WWOX: variants seen among roughly 807,000 people sequenced by gnomAD.
WWOX encodes WW domain containing oxidoreductase.
WWOX carries 69 observed loss-of-function variants against 46.2 expected under a neutral mutation model. The ratio of observed to expected loss-of-function variants is 1.49; its 90% CI spans 1.23 to 1.82. The LOEUF (loss-of-function observed/expected upper bound fraction) is 1.82, where lower values mean the gene tolerates loss of function less well. WWOX is among the 40% of genes most tolerant of loss of function. The pLI is 0.00. For missense variants in WWOX, 919 were observed against 542.6 expected, an observed-to-expected ratio of 1.69 and a Z score of -6.89; for synonymous variants, 359 against 202.6, an observed-to-expected ratio of 1.77 and a Z score of -6.56.
intron 8 of WWOX, among the ~76,000 whole-genome samples, chr16:78,964,676 C>G (rs113339362): frequency 0.12 from 17,653 of 152,216 alleles, 1,083 homozygotes; most frequent in Middle Eastern, 0.21. Context: ...GGCAAGGAAC[C>G]TAATGTTAAT....
Position 78,349,904 on chromosome 16 carries a change from G to C in WWOX, c.517-36956G>C, listed in dbSNP as rs1037794287. ...GTCTCATTCCCCAGAAATAATCCCT[G>C]TTAACATTTCGGTTTGTGTTATGGA... On this transcript the variant is annotated intron_variant, in intron 5 of 8. Coordinates refer to ENST00000566780, the MANE Select transcript of WWOX (RefSeq NM_016373.4). 4.1e-5 allele frequency among the ~76,000 whole-genome samples: 5 copies of C among 120,776 alleles called. 2 individuals are homozygous for C. The highest frequency in any genetic ancestry group is 5.9e-5 in the Non-Finnish European group (3 of 50,578). 79.2% of individuals were successfully genotyped at this position (120,776 alleles called of 152,430 possible). A position where few individuals can be genotyped will look rare whatever the true frequency, so the allele number is the denominator to read the frequency against.
At chr16:78,502,411 G>C (rs897213681) in intron 8 of WWOX, among the ~76,000 whole-genome samples, 1 of 152,078 alleles carries the variant, frequency 6.6e-6, no homozygotes, top group African/African-American at 2.4e-5. Context: ...CCTATTCTGC[G>C]TACCTCATAT....
intron 8 of WWOX, among the ~76,000 whole-genome samples, chr16:78,784,212 G>A (rs2050400216): frequency 2.6e-5 from 4 of 152,100 alleles, no homozygotes; most frequent in South Asian, 2.1e-4. Flanking sequence ...CCTTGTCATA[G>A]GTAGATACTA....
At chr16:78,134,410 T>C (rs984756046) in intron 4 of WWOX, among the ~76,000 whole-genome samples, 2 of 152,208 alleles carry the variant, frequency 1.3e-5, no homozygotes, top group African/African-American at 2.4e-5. Context: ...TGTAAGTCTT[T>C]TTGGGAACCG....
chr16:79,096,016 AT>A (rs57621801), intron 8 of WWOX, among the ~76,000 whole-genome samples: 3,087 of 82,004 alleles, frequency 0.038, 130 homozygotes, highest in Admixed American at 0.15. Flanking sequence ...CACCCGGATA[AT>A]TTTTTTTTTT....
chr16:78,615,156 C>G (rs1205826749), intron 8 of WWOX, among the ~76,000 whole-genome samples: 2 of 152,036 alleles, frequency 1.3e-5, no homozygotes, highest in Non-Finnish European at 2.9e-5. Context: ...ACTCACATTC[C>G]CATTATTTTT....
intron 8 of WWOX, among the ~76,000 whole-genome samples, chr16:78,887,918 G>C (rs934848693): frequency 2.6e-5 from 4 of 152,102 alleles, no homozygotes; most frequent in African/African-American, 9.7e-5. Flanking sequence ...TTAATGAGGG[G>C]ATGAATTTTT....
rs189226496 is a variant in WWOX at position 78,835,676 on chromosome 16, A to G, written c.1057-375932A>G. On this transcript the variant is annotated intron_variant, in intron 8 of 8. Coordinates refer to ENST00000566780, the MANE Select transcript of WWOX (RefSeq NM_016373.4). ...CGTGACTTGCCTAAGAACACACAGC[A>G]GTTCTGAAACTCACCCTGTGCTAAT... Among the ~76,000 whole-genome samples the G allele has an allele frequency of 1.1e-4, 17 of 152,360 alleles. No individual in the cohort carries two copies. In the East Asian group the frequency reaches 3.3e-3, roughly 29 times the overall value.
chr16:79,102,086 T>TGGGGGGGGGGGGGGG (rs2049211280), intron 8 of WWOX, among the ~76,000 whole-genome samples: 1 of 5,378 alleles, frequency 1.9e-4, no homozygotes, highest in Admixed American at 2.3e-3. Context: ...GTGGGGAGGG[T>TGGGGGGGGGGGGGGG]GGGGCGGGGG....
intron 8 of WWOX, among the ~76,000 whole-genome samples, chr16:79,147,879 C>T (rs767210725): frequency 7.9e-5 from 12 of 152,000 alleles, no homozygotes; most frequent in South Asian, 2.1e-4. Flanking sequence ...ATATCCTCTT[C>T]GGTGAAATGT....
At chr16:78,875,857 T>G (rs1264038915) in intron 8 of WWOX, among the ~76,000 whole-genome samples, 1 of 152,222 alleles carries the variant, frequency 6.6e-6, no homozygotes, top group Non-Finnish European at 1.5e-5. Flanking sequence ...TAAAAGAATG[T>G]TTCTTCCACA....
chr16:79,123,910 G>A (rs1445067215), intron 8 of WWOX, among the ~76,000 whole-genome samples: 2 of 152,158 alleles, frequency 1.3e-5, no homozygotes, highest in Non-Finnish European at 2.9e-5. Flanking sequence ...TGATTAAACC[G>A]ATACCCTGGG....
chr16:78,909,456 G>A (rs1351235104), intron 8 of WWOX, among the ~76,000 whole-genome samples: 1 of 152,192 alleles, frequency 6.6e-6, no homozygotes, highest in Non-Finnish European at 1.5e-5. Context: ...TATTACACAA[G>A]TGTCAAAACA....
At chr16:78,223,911 G>A (rs7188086) in intron 5 of WWOX, among the ~76,000 whole-genome samples, 60,580 of 152,060 alleles carry the variant, frequency 0.4, 12,555 homozygotes, top group Admixed American at 0.55. Context: ...TTTTATAGAT[G>A]AGGAAACAGA....
chr16:78,642,976 A>G (rs1473750805), intron 8 of WWOX, among the ~76,000 whole-genome samples: 4 of 152,186 alleles, frequency 2.6e-5, no homozygotes, highest in African/African-American at 7.2e-5. Context: ...TTCTCTAAGG[A>G]TTAAATCAGT....
intron 5 of WWOX, among the ~76,000 whole-genome samples, chr16:78,316,353 G>T (rs1438569138): frequency 6.6e-6 from 1 of 151,948 alleles, no homozygotes; most frequent in East Asian, 1.9e-4. Flanking sequence ...AATGGCCAGG[G>T]AATTTAAAAA....
intron 8 of WWOX, among the ~76,000 whole-genome samples, chr16:79,104,201 A>G (rs1384691518): frequency 6.6e-6 from 1 of 152,220 alleles, no homozygotes; most frequent in Non-Finnish European, 1.5e-5. Flanking sequence ...CAAACCTTGA[A>G]ATATCCTAAC....
chr16:78,987,619 A>G (rs2046807155), intron 8 of WWOX, among the ~76,000 whole-genome samples: 1 of 152,102 alleles, frequency 6.6e-6, no homozygotes, highest in African/African-American at 2.4e-5. Flanking sequence ...ATGCTCCCTC[A>G]TGTTTCAAGT....
chr16:78,330,489 T>C (rs967637804), intron 5 of WWOX, among the ~76,000 whole-genome samples: 1 of 152,108 alleles, frequency 6.6e-6, no homozygotes, highest in Non-Finnish European at 1.5e-5. Flanking sequence ...CTCTGCCTCC[T>C]GGGTTCAAGC....
Sources: allele counts gnomAD v4.1 joint callset (sites outside exome capture counted in the v4.1 genomes callset), GRCh38; gene constraint gnomAD v4.1.1; transcripts MANE v1.5; gene names NCBI Gene and HGNC (gene_info 2026-07-23, HGNC 2026-07-21).